The following DCANP1 variants were observed in gnomAD, a reference collection of about 807,000 sequenced individuals.
DCANP1 encodes dendritic cell associated nuclear protein 1, also known as dendritic cell nuclear protein 1.
For synonymous variants in DCANP1, 139 were observed against 124.2 expected, an observed-to-expected ratio of 1.12 and a Z score of -0.79; for missense variants, 328 against 293.7, an observed-to-expected ratio of 1.12 and a Z score of -0.85.
At position 135,446,607 on chromosome 5, in the gene DCANP1, C is replaced by G; in HGVS notation, c.502G>C (p.Glu168Gln). 1 of 1,613,978 alleles carries G rather than the reference C, an allele frequency of 6.2e-7. No homozygotes were observed. The highest frequency in any genetic ancestry group is 1.1e-5 in the South Asian group (1 of 91,072). Residue 168 changes from glutamate (E) to glutamine (Q), a missense_variant, in exon 1 of 1, where the codon GAG becomes CAG. Physicochemically the swap from Glu to Gln is conservative, Grantham distance 29. Transcript: ENST00000503143. ...VFKAVKLCPS[E>Q]TSFFLSRKSL... ...TTTCTACTCAAGAAAAATGAAGTCTCGGATGGGCAGAGCTTAACTGCCTTA... is the reference window on the plus strand; with the variant it reads ...TTTCTACTCAAGAAAAATGAAGTCTGGGATGGGCAGAGCTTAACTGCCTTA...
In DCANP1 at chr5:135,446,521, A is replaced by T. The variant is rs571232960; in HGVS notation, c.588T>A (p.Arg196=). 9.3e-6 allele frequency: 15 copies of T among 1,613,966 alleles called. No individual in the cohort carries two copies. The South Asian group carries it at 1.3e-4, about 14-fold the overall frequency. The change falls in exon 1 of 1, where the codon CGT becomes CGA. Residue 196 remains arginine, a synonymous_variant. Transcript: ENST00000503143. The stretch of plus-strand genomic sequence containing the variant: ...AAGACCAGGCCCTGAAGCCAGCCTG[A>T]CGGTTCCAGCTGTTAGGAGAAAGTG... The part of the protein sequence containing the change: ...PPSLSPNSWN[R]QAGFRAWSSH...
rs148737665 is a variant in DCANP1 at position 135,447,032 on chromosome 5, A to G, written c.77T>C (p.Leu26Pro). The change falls in exon 1 of 1, where the codon CTG (leucine) becomes CCG (proline). Residue 26 changes from leucine to proline, a missense_variant. Leu to Pro is a moderately conservative substitution (Grantham distance 98). Transcript: ENST00000503143. The stretch of plus-strand genomic sequence containing the variant: ...GGTTTCCCCACCAGCTCCTCTCTCC[A>G]GTCTTTGGTGTCCAGGTACAGTCTC... ...GLETVPGHQR[L>P]ERGAGGETPE... 4.3e-5 allele frequency: 69 copies of G among 1,613,774 alleles called. No homozygotes were observed. Among genetic ancestry groups the G allele is most frequent in the East Asian group, 1.3e-4 (6 of 44,884 alleles).
chr5:135,446,985 A>G lies in DCANP1; in HGVS notation c.124T>C (p.Ser42Pro), dbSNP rs776472926. 1.7e-5 allele frequency: 28 copies of G among 1,613,060 alleles called. No individual in the cohort carries two copies. Among genetic ancestry groups the G allele is most frequent in the African/African-American group, 5.3e-5 (4 of 74,906 alleles). Residue 42 changes from serine to proline, a missense_variant, in exon 1 of 1, where the codon TCC (serine) becomes CCC (proline). By Grantham distance (74) the Ser-to-Pro change is moderately conservative (BLOSUM62 -1). Coordinates refer to ENST00000503143, the MANE Select transcript of DCANP1 (RefSeq NM_130848.3). ...CCAAAGTTCTCTGGTGGAGCTGGGGAGTGGCACCCTGGGAACTCTGGGGTT... is the reference window on the plus strand; with the variant it reads ...CCAAAGTTCTCTGGTGGAGCTGGGGGGTGGCACCCTGGGAACTCTGGGGTT... ...GETPEFPGCH[S>P]PAPPENFGNE...
chr5:135,447,147 G>A lies in DCANP1; in HGVS notation c.-39C>T, dbSNP rs369467972. 1.5e-5 allele frequency: 25 copies of A among 1,613,460 alleles called. No individual in the cohort carries two copies. The East Asian group carries it at 1.6e-4, about 10-fold the overall frequency. ...TTTTGGTCAGTGACAGATCACTGCT[G>A]CTTTTCATCAGACCAAAATACATGT... On this transcript the variant is annotated 5_prime_UTR_variant, in exon 1 of 1. Transcript: ENST00000503143.
In DCANP1 at chr5:135,444,316, C is replaced by G. The variant is rs6866579; in HGVS notation, c.*2058G>C. The G allele has an allele frequency of 6.6e-6, 1 of 152,200 alleles. No individual in the cohort carries two copies. Among genetic ancestry groups the G allele is most frequent in the Non-Finnish European group, 1.5e-5 (1 of 68,046 alleles). 9.4% of individuals were successfully genotyped at this position (152,200 alleles called of 1,614,324 possible). ...CAATTCAAATAGGGTTCATTAAATT[C>G]GGCATCTCCTCTTAACTGGGCTGGG... is the stretch of plus-strand genomic sequence containing the variant. On this transcript the variant is annotated 3_prime_UTR_variant, in exon 1 of 1. Transcript: ENST00000503143.
Position 135,445,863 on chromosome 5 carries a change from T to C in DCANP1, c.*511A>G, listed in dbSNP as rs1281828551. On this transcript the variant is annotated 3_prime_UTR_variant, in exon 1 of 1. Coordinates refer to ENST00000503143, the MANE Select transcript of DCANP1 (RefSeq NM_130848.3). ...GACAGCTTGGCAAGATTCACATTCTTGGAAAAGCAGAGGAATGCGAGGGTT... is the reference window on the plus strand; with the variant it reads ...GACAGCTTGGCAAGATTCACATTCTCGGAAAAGCAGAGGAATGCGAGGGTT... 6.5e-6 allele frequency: 1 copy of C among 153,180 alleles called. No homozygotes were observed. Among genetic ancestry groups the C allele is most frequent in the African/African-American group, 2.4e-5 (1 of 41,462 alleles). 9.5% of individuals were successfully genotyped at this position (153,180 alleles called of 1,614,324 possible).
Position 135,445,511 on chromosome 5 carries a change from T to C in DCANP1, c.*863A>G, listed in dbSNP as rs1049369514. On this transcript the variant is annotated 3_prime_UTR_variant, in exon 1 of 1. Transcript: ENST00000503143. Reference sequence around the variant, plus strand: ...CTGCCCATGCCGGGCCTGAGGGGCCTGGCTCAGACTTTAGTATCCAAGGGG... The same window carrying C: ...CTGCCCATGCCGGGCCTGAGGGGCCCGGCTCAGACTTTAGTATCCAAGGGG... 14 of 152,480 alleles carry C rather than the reference T, an allele frequency of 9.2e-5. No individual in the cohort carries two copies. Among genetic ancestry groups the C allele is most frequent in the Admixed American group, 8.5e-4 (13 of 15,310 alleles). The allele number at this position is 152,480 out of a possible 1,614,324, so 9.4% of individuals were successfully genotyped here. A position where few individuals can be genotyped will look rare whatever the true frequency, so the allele number is the denominator to read the frequency against.
chr5:135,446,798 G>A lies in DCANP1; in HGVS notation c.311C>T (p.Ala104Val), dbSNP rs373679643. The stretch of plus-strand genomic sequence containing the variant: ...TTCATCCTGGGTCCCTGAGGGCCTC[G>A]CAGATGCTTCACTCGAAAGATTGGA... ...CNSNLSSEAS[A>V]RPSGTQDELH... The change falls in exon 1 of 1, where the codon GCG becomes GTG. Residue 104 changes from alanine (A) to valine (V), a missense_variant. Ala to Val is a moderately conservative substitution (Grantham distance 64, BLOSUM62 0). Transcript: ENST00000503143. The A allele has an allele frequency of 2.9e-5, 47 of 1,613,884 alleles. No individual in the cohort carries two copies. Among genetic ancestry groups the A allele is most frequent in the East Asian group, 2.0e-4 (9 of 44,880 alleles).
rs1580655210 is a variant in DCANP1, at chr5:135,447,235, C to A, written c.-127G>T. ...CATTATACTAACCCTGCCTATTGGACCTTCTGATGCAAGGAGCAGATTAAA... is the reference window on the plus strand; with the variant it reads ...CATTATACTAACCCTGCCTATTGGAACTTCTGATGCAAGGAGCAGATTAAA... On this transcript the variant is annotated 5_prime_UTR_variant, in exon 1 of 1. Coordinates refer to ENST00000503143, the MANE Select transcript of DCANP1 (RefSeq NM_130848.3). The A allele has an allele frequency of 8.8e-7, 1 of 1,138,138 alleles. No individual in the cohort carries two copies. The highest frequency in any genetic ancestry group is 1.3e-6 in the Non-Finnish European group (1 of 795,634). The allele number at this position is 1,138,138 out of a possible 1,614,324, so 70.5% of individuals were successfully genotyped here.
In DCANP1 at chr5:135,446,556, G is replaced by A. The variant is rs1769268434; in HGVS notation, c.553C>T (p.His185Tyr). The A allele has an allele frequency of 1.2e-6, 2 of 1,614,012 alleles. No individual in the cohort carries two copies. The highest frequency in any genetic ancestry group is 2.2e-5 in the South Asian group (2 of 91,082). Residue 185 changes from histidine to tyrosine, a missense_variant, in exon 1 of 1, where the codon CAC becomes TAC. Physicochemically the swap from His to Tyr is moderately conservative, Grantham distance 83. Transcript: ENST00000503143. ...RKSLKSSDPW[H>Y]PPSLSPNSWN... ...CTGTTAGGAGAAAGTGAAGGTGGGT[G>A]CCATGGATCTGATGATTTCAGTGAT...
At position 135,446,642 on chromosome 5, in the gene DCANP1, T is replaced by C; in HGVS notation, c.467A>G (p.Tyr156Cys). The C allele has an allele frequency of 6.2e-7, 1 of 1,614,064 alleles. No homozygotes were observed. The highest frequency in any genetic ancestry group is 8.5e-7 in the Non-Finnish European group (1 of 1,179,894). Residue 156 changes from tyrosine to cysteine, a missense_variant, in exon 1 of 1, where the codon TAC becomes TGC. Coordinates refer to ENST00000503143, the MANE Select transcript of DCANP1 (RefSeq NM_130848.3). ...GAGCTTAACTGCCTTAAAAACTTGG[T>C]ACAGGGCAAGGTGTGAGTTTCCCGG... ...VSPGNSHLAL[Y>C]QVFKAVKLCP... is the part of the protein sequence containing the mutation.
Position 135,446,249 on chromosome 5 carries a change from A to G in DCANP1, c.*125T>C, listed in dbSNP as rs1769257753. Reference sequence around the variant, plus strand: ...AACTATAGTAAGTGGGGGTGGGGACAAGAATTCTAACCCAGGCAGCAGTCT... The same window carrying G: ...AACTATAGTAAGTGGGGGTGGGGACGAGAATTCTAACCCAGGCAGCAGTCT... On this transcript the variant is annotated 3_prime_UTR_variant, in exon 1 of 1. Coordinates refer to ENST00000503143, the MANE Select transcript of DCANP1 (RefSeq NM_130848.3). 1 of 1,189,742 alleles carries G rather than the reference A, an allele frequency of 8.4e-7. No homozygotes were observed. Among genetic ancestry groups the G allele is most frequent in the Non-Finnish European group, 1.2e-6 (1 of 845,962 alleles). The allele number at this position is 1,189,742 out of a possible 1,614,324, so 73.7% of individuals were successfully genotyped here. A position where few individuals can be genotyped will look rare whatever the true frequency, so the allele number is the denominator to read the frequency against.
rs1769231578 is a variant in DCANP1, at chr5:135,445,102, C to T, written c.*1272G>A. ...GCCAGCCCAACCTCTGATTGCTATC[C>T]TCAGAGCCCCTCCAGGGTCTCCTTG... On this transcript the variant is annotated 3_prime_UTR_variant, in exon 1 of 1. Coordinates refer to ENST00000503143, the MANE Select transcript of DCANP1 (RefSeq NM_130848.3). 6.6e-6 allele frequency: 1 copy of T among 152,208 alleles called. No homozygotes were observed. The highest frequency in any genetic ancestry group is 1.5e-5 in the Non-Finnish European group (1 of 68,066). The allele number at this position is 152,208 out of a possible 1,614,324, so 9.4% of individuals were successfully genotyped here.
At position 135,446,953 on chromosome 5, in the gene DCANP1, C is replaced by T; in HGVS notation, c.156G>A (p.Glu52=). The change falls in exon 1 of 1, where the codon GAG becomes GAA. Residue 52 remains glutamate (E), a synonymous_variant. Coordinates refer to ENST00000503143, the MANE Select transcript of DCANP1 (RefSeq NM_130848.3). ...SPAPPENFGN[E]LLPLSAPLQG... is the part of the protein sequence containing the mutation. ...GGAGAGGGGCACTCAGGGGCAGCAGCTCATTCCCAAAGTTCTCTGGTGGAG... is the reference window on the plus strand; with the variant it reads ...GGAGAGGGGCACTCAGGGGCAGCAGTTCATTCCCAAAGTTCTCTGGTGGAG... The T allele has an allele frequency of 1.2e-6, 2 of 1,612,848 alleles. No individual in the cohort carries two copies. The highest frequency in any genetic ancestry group is 1.7e-6 in the Non-Finnish European group (2 of 1,179,344).
rs1177436898 is a variant in DCANP1, at chr5:135,444,640, G to A, written c.*1734C>T. On this transcript the variant is annotated 3_prime_UTR_variant, in exon 1 of 1. Coordinates refer to ENST00000503143, the MANE Select transcript of DCANP1 (RefSeq NM_130848.3). Reference sequence around the variant, plus strand: ...CAATGCGCTGTCCCCACCACATGGAGCTTGCTTGCCTCCGCACCTCTTTGC... The same window carrying A: ...CAATGCGCTGTCCCCACCACATGGAACTTGCTTGCCTCCGCACCTCTTTGC... 2 of 152,268 alleles carry A rather than the reference G, an allele frequency of 1.3e-5. No individual in the cohort carries two copies. The highest frequency in any genetic ancestry group is 1.3e-4 in the Admixed American group (2 of 15,290). 9.4% of individuals were successfully genotyped at this position (152,268 alleles called of 1,614,324 possible).
rs560339780 is a variant in DCANP1, at chr5:135,446,736, G to C, written c.373C>G (p.Arg125Gly). Residue 125 changes from arginine (R) to glycine (G), a missense_variant, in exon 1 of 1, where the codon CGG becomes GGG. By Grantham distance (125) the Arg-to-Gly change is moderately radical. Coordinates refer to ENST00000503143, the MANE Select transcript of DCANP1 (RefSeq NM_130848.3). ...ACCAGATGTTTCCGGGCTCCCTCCC[G>C]CCTGGTCTGGCCTGTCTTCCTTCTG... Reference protein sequence around the residue: ...SSRRKTGQTRREGARKHLVCS... With the variant: ...SSRRKTGQTRGEGARKHLVCS... 6.8e-6 allele frequency: 11 copies of C among 1,613,926 alleles called. No homozygotes were observed. The African/African-American group carries it at 8.0e-5, about 12-fold the overall frequency.
rs17733025 is a variant in DCANP1 at position 135,444,804 on chromosome 5, C to A, written c.*1570G>T. The A allele has an allele frequency of 0.18, 28,045 of 152,226 alleles. 2,775 individuals carry two copies. Among genetic ancestry groups the A allele is most frequent in the Admixed American group, 0.29 (4,401 of 15,300 alleles). The allele number at this position is 152,226 out of a possible 1,614,324, so 9.4% of individuals were successfully genotyped here. A position where few individuals can be genotyped will look rare whatever the true frequency, so the allele number is the denominator to read the frequency against. ...CTTGCTCTACACGTTTCTGTAGTGA[C>A]CGTCCATTTGAAGGGATAGGGAAAT... is the stretch of plus-strand genomic sequence containing the variant. On this transcript the variant is annotated 3_prime_UTR_variant, in exon 1 of 1. Transcript: ENST00000503143.
Position 135,444,969 on chromosome 5 carries a change from G to T in DCANP1, c.*1405C>A, listed in dbSNP as rs1446334163. On this transcript the variant is annotated 3_prime_UTR_variant, in exon 1 of 1. Transcript: ENST00000503143. ...AGTGAGGCGGGTGTTGCAAGTGGAC[G>T]CGTCGGGGGTGGTCTGCACGGGCTG... is the stretch of plus-strand genomic sequence containing the variant. 6.6e-6 allele frequency: 1 copy of T among 152,516 alleles called. No homozygotes were observed. Among genetic ancestry groups the T allele is most frequent in the Non-Finnish European group, 1.5e-5 (1 of 68,324 alleles). The allele number at this position is 152,516 out of a possible 1,614,324, so 9.4% of individuals were successfully genotyped here. A position where few individuals can be genotyped will look rare whatever the true frequency, so the allele number is the denominator to read the frequency against.
chr5:135,447,060 G>T lies in DCANP1; in HGVS notation c.49C>A (p.Leu17Met), dbSNP rs1171461339. The T allele has an allele frequency of 6.2e-7, 1 of 1,613,932 alleles. No homozygotes were observed. The highest frequency in any genetic ancestry group is 1.1e-5 in the South Asian group (1 of 91,086). Residue 17 changes from leucine to methionine, a missense_variant, in exon 1 of 1, where the codon CTG (leucine) becomes ATG (methionine). By Grantham distance (15) the Leu-to-Met change is conservative. Coordinates refer to ENST00000503143, the MANE Select transcript of DCANP1 (RefSeq NM_130848.3). ...CTTTGGTGTCCAGGTACAGTCTCCA[G>T]GCCGTGGCTTCTCGAGTTCTGTATG... ...THIQNSRSHGLETVPGHQRLE... is the reference protein window; with the variant it reads ...THIQNSRSHGMETVPGHQRLE...
Sources: allele counts gnomAD v4.1 joint callset, GRCh38; gene constraint gnomAD v4.1.1; transcripts MANE v1.5; gene names NCBI Gene and HGNC (gene_info 2026-07-23, HGNC 2026-07-21).